Variants in NCOA1 observed in about 807,000 individuals in gnomAD.
The protein encoded by NCOA1 is Hin-2 protein.
A neutral mutation model predicts 150.9 loss-of-function variants in NCOA1; 35 were observed. That is an observed-to-expected ratio of 0.23 (90% CI 0.18 to 0.31). The LOEUF (loss-of-function observed/expected upper bound fraction) is 0.31. NCOA1 is among the 10% of genes least tolerant of loss of function. The pLI, the probability that NCOA1 is intolerant of heterozygous loss-of-function variation, is 1.00. For missense variants in NCOA1, 1,491 were observed against 1,749.3 expected, an observed-to-expected ratio of 0.85 and a Z score of 2.63; for synonymous variants, 590 against 630.0, an observed-to-expected ratio of 0.94 and a Z score of 0.95.
intron 2 of NCOA1, among the ~76,000 whole-genome samples, chr2:24,573,886 T>C (rs914671089): frequency 7.2e-6 from 1 of 139,498 alleles, no homozygotes; most frequent in African/African-American, 2.6e-5. Context: ...CATACTGTGC[T>C]TAGAAGTAGA....
intron 2 of NCOA1, among the ~76,000 whole-genome samples, chr2:24,568,330 T>G (rs1666597153): frequency 6.6e-6 from 1 of 152,164 alleles, no homozygotes; most frequent in African/African-American, 2.4e-5. Flanking sequence ...AAATGGTACC[T>G]TTTTAAAATG....
chr2:24,695,290 T>TAG (rs937718245), intron 10 of NCOA1, among the ~76,000 whole-genome samples: 4 of 151,772 alleles, frequency 2.6e-5, no homozygotes, highest in Non-Finnish European at 5.9e-5. Context: ...TATATATATA[T>TAG]AGAGAGAGAG....
intron 3 of NCOA1, among the ~76,000 whole-genome samples, chr2:24,631,962 A>T (rs1669729302): frequency 6.6e-6 from 1 of 152,224 alleles, no homozygotes; most frequent in African/African-American, 2.4e-5. Context: ...TGAAGTAAAA[A>T]TTTTTGAATA....
At chr2:24,725,157 C>G (rs1207150518) in intron 14 of NCOA1, among the ~76,000 whole-genome samples, 1 of 152,060 alleles carries the variant, frequency 6.6e-6, no homozygotes, top group African/African-American at 2.4e-5. Flanking sequence ...GGGAAGCATC[C>G]TTAAATCTAC....
At chr2:24,608,711 T>TG (rs1296330686) in intron 3 of NCOA1, among the ~76,000 whole-genome samples, 5 of 150,544 alleles carry the variant, frequency 3.3e-5, no homozygotes, top group African/African-American at 1.2e-4. Flanking sequence ...TGTGTTTTTT[T>TG]TTTTTTTTTT....
intron 4 of NCOA1, among the ~76,000 whole-genome samples, chr2:24,649,471 C>G (rs549933012): frequency 6.6e-6 from 1 of 152,286 alleles, no homozygotes; most frequent in African/African-American, 2.4e-5. Context: ...TGCAGTATAC[C>G]TGCATAACTC....
At chr2:24,506,723 G>T (rs185454107) in intron 1 of NCOA1, among the ~76,000 whole-genome samples, 7 of 152,210 alleles carry the variant, frequency 4.6e-5, no homozygotes, top group Admixed American at 3.9e-4. Context: ...TAGCAAGTAT[G>T]TATCCACATA....
chr2:24,648,396 C>A (rs1407361066), intron 4 of NCOA1, among the ~76,000 whole-genome samples: 1 of 152,054 alleles, frequency 6.6e-6, no homozygotes, highest in Non-Finnish European at 1.5e-5. Flanking sequence ...CCTCAGCCTT[C>A]CAAGTAGCTG....
chr2:24,743,487 C>A (rs186928517), intron 19 of NCOA1, among the ~76,000 whole-genome samples: 1 of 152,296 alleles, frequency 6.6e-6, no homozygotes, highest in East Asian at 1.9e-4. Context: ...ACAATGAAGT[C>A]ATCTTTGGCT....
intron 5 of NCOA1, among the ~76,000 whole-genome samples, chr2:24,661,941 C>G (rs1421432266): frequency 6.6e-6 from 1 of 152,026 alleles, no homozygotes; most frequent in African/African-American, 2.4e-5. Flanking sequence ...TATCTTTTTT[C>G]TCTTCTTTAG....
In NCOA1 at chr2:24,762,721, A is replaced by G. The variant is rs757473694; in HGVS notation, c.4100A>G (p.Tyr1367Cys). 1 of 1,614,106 alleles carries G rather than the reference A, an allele frequency of 6.2e-7. No individual in the cohort carries two copies. Among genetic ancestry groups the G allele is most frequent in the Non-Finnish European group, 8.5e-7 (1 of 1,179,952 alleles). ...CCCGCACTGAGACACACAGGCCTCT[A>G]CTGCAACCAGCTCTCATCCACTGAC... ...NDPALRHTGLYCNQLSSTDLL... is the reference protein window; with the variant it reads ...NDPALRHTGLCCNQLSSTDLL... The change falls in exon 22 of 23, where the codon TAC (tyrosine) becomes TGC (cysteine). Residue 1367 changes from tyrosine to cysteine, a missense_variant. Tyr to Cys is a radical substitution (Grantham distance 194). This residue lies in a region of NCOA1 where 485 missense variants were observed against 522.8 expected (regional missense o/e 0.93). Coordinates refer to ENST00000348332, the MANE Select transcript of NCOA1 (RefSeq NM_003743.5).
At chr2:24,621,197 G>A (rs912357862) in intron 3 of NCOA1, among the ~76,000 whole-genome samples, 5 of 152,030 alleles carry the variant, frequency 3.3e-5, no homozygotes, top group African/African-American at 1.2e-4. Flanking sequence ...CTGGAATATG[G>A]CATGTGAAAT....
intron 4 of NCOA1, among the ~76,000 whole-genome samples, chr2:24,656,320 T>G (rs1670950090): frequency 6.6e-6 from 1 of 152,088 alleles, no homozygotes; most frequent in South Asian, 2.1e-4. Context: ...TTTTGTTTTG[T>G]TTTTGCTTTT....
intron 2 of NCOA1, among the ~76,000 whole-genome samples, chr2:24,577,020 T>C (rs1162710692): frequency 2.6e-5 from 4 of 152,226 alleles, no homozygotes; most frequent in Non-Finnish European, 4.4e-5. Flanking sequence ...GTATTTACTT[T>C]TAATTTTATG....
chr2:24,662,126 T>C (rs139892318), intron 5 of NCOA1, among the ~76,000 whole-genome samples: 2 of 152,320 alleles, frequency 1.3e-5, no homozygotes, highest in Admixed American at 6.5e-5. Flanking sequence ...CACCTTGTAA[T>C]GTTTCTGTCT....
chr2:24,497,542 CAA>C (rs1268684278), intron 1 of NCOA1, among the ~76,000 whole-genome samples: 2 of 152,102 alleles, frequency 1.3e-5, no homozygotes, highest in African/African-American at 4.8e-5. Context: ...TGTGGTGGCG[CAA>C]GCCTGTAGTC....
intron 11 of NCOA1, among the ~76,000 whole-genome samples, 199 bp from the exon 12 acceptor site, chr2:24,704,887 T>C (rs1279574953): frequency 6.6e-6 from 1 of 152,178 alleles, no homozygotes; most frequent in African/African-American, 2.4e-5. Context: ...AAACCTGTCA[T>C]CAAGTGGTAT....
chr2:24,629,851 T>G (rs1669621622), intron 3 of NCOA1, among the ~76,000 whole-genome samples: 1 of 136,906 alleles, frequency 7.3e-6, no homozygotes, highest in African/African-American at 2.7e-5. Context: ...TATATATGTA[T>G]TTTTTTTTTT....
chr2:24,661,495 G>C (rs1020056619), intron 5 of NCOA1, among the ~76,000 whole-genome samples: 3 of 152,080 alleles, frequency 2.0e-5, no homozygotes, highest in African/African-American at 7.2e-5. Context: ...GACATACAGA[G>C]CCATAGGTTT....
Sources: gnomAD v4.1 joint callset for allele counts (sites outside exome capture counted in the v4.1 genomes callset) on GRCh38, gnomAD v4.1.1 for gene constraint, gnomAD v4.1.1 regional missense constraint, MANE v1.5 for transcripts, NCBI Gene and HGNC (gene_info 2026-07-23, HGNC 2026-07-21) for gene names.